CFB: variants seen among roughly 807,000 people sequenced by gnomAD.
The protein encoded by CFB is B-factor, properdin.
In CFB, 59 loss-of-function variants were observed where a neutral mutation model predicts 97.2. The ratio of observed to expected loss-of-function variants is 0.61; its 90% CI spans 0.49 to 0.75. The LOEUF is 0.75. Ranked by LOEUF, CFB falls within the 30% of genes least tolerant of loss-of-function variation. The pLI is 0.00. For missense variants in CFB, 771 were observed against 959.8 expected (o/e 0.80, Z 2.60); for synonymous variants, 316 against 351.7 (o/e 0.90, Z 1.14).
In CFB at chr6:31,946,402, C is replaced by G. The variant is rs12614; in HGVS notation, c.94C>G (p.Arg32Gly). ...GACCACCACTCCATGGTCTTTGGCC[C>G]GGCCCCAGGGATCCTGCTCTCTGGA... is the stretch of plus-strand genomic sequence containing the variant. ...GVTTTPWSLA[R>G]PQGSCSLEGV... Residue 32 changes from arginine to glycine, a missense_variant, in exon 2 of 18, where the codon CGG becomes GGG. Arg to Gly is a moderately radical substitution (Grantham distance 125). Coordinates refer to ENST00000425368, the MANE Select transcript of CFB (RefSeq NM_001710.6). This position sits in a 1 kb window ranked among gnomAD's most constrained non-coding sequence, Gnocchi z 6.4. 2 of 1,612,922 alleles carry G rather than the reference C, an allele frequency of 1.2e-6. No individual in the cohort carries two copies. Among genetic ancestry groups the G allele is most frequent in the South Asian group, 1.1e-5 (1 of 91,076 alleles).
chr6:31,951,495 G>A lies in CFB; in HGVS notation c.2089+22G>A, dbSNP rs781652229. On this transcript the variant is annotated intron_variant, in intron 16 of 17. Coordinates refer to ENST00000425368, the MANE Select transcript of CFB (RefSeq NM_001710.6). The surrounding 1 kb of genome is among the most constrained non-coding windows in gnomAD (Gnocchi z 4.3). ...AGAGGTGAGAGAATGCTCTTTGGTTGTGCTACAAGTGCCCAAGGCCCAACA... is the reference window on the plus strand; with the variant it reads ...AGAGGTGAGAGAATGCTCTTTGGTTATGCTACAAGTGCCCAAGGCCCAACA... The A allele has an allele frequency of 6.2e-7, 1 of 1,614,238 alleles. No homozygotes were observed. Among genetic ancestry groups the A allele is most frequent in the Non-Finnish European group, 8.5e-7 (1 of 1,180,054 alleles).
rs373768934 is a variant in CFB at position 31,948,057 on chromosome 6, G to A, written c.873G>A (p.Lys291=). Residue 291 remains lysine (K), a synonymous_variant, in exon 6 of 18, where the codon AAG becomes AAA. Transcript: ENST00000425368. The stretch of plus-strand genomic sequence containing the variant: ...CCAGCAACTTCACAGGAGCCAAAAA[G>A]TGTCTAGTCAACTTAATTGAGAAGG... The part of the protein sequence containing the change: ...IGASNFTGAK[K]CLVNLIEKVA... 1 of 1,614,184 alleles carries A rather than the reference G, an allele frequency of 6.2e-7. No individual in the cohort carries two copies. The highest frequency in any genetic ancestry group is 8.5e-7 in the Non-Finnish European group (1 of 1,180,042).
At position 31,949,259 on chromosome 6, in the gene CFB, C is replaced by CG; in HGVS notation, c.1189dup (p.Asp397GlyfsTer7). On this transcript the variant is annotated frameshift_variant, in exon 9 of 18. Coordinates refer to ENST00000425368, the MANE Select transcript of CFB (RefSeq NM_001710.6). LOFTEE classifies it high-confidence loss of function. ...CTTCTGCAGGATTGCACAACATGGG[C>CG]GGGGACCCAATTACTGTCATTGATG... is the stretch of plus-strand genomic sequence containing the variant. 1 of 1,614,106 alleles carries CG rather than the reference C, an allele frequency of 6.2e-7. No individual in the cohort carries two copies. The highest frequency in any genetic ancestry group is 8.5e-7 in the Non-Finnish European group (1 of 1,180,026).
intron 10 of CFB, 89 bp downstream of exon 10, chr6:31,949,646 G>C: frequency 6.6e-7 from 1 of 1,504,754 alleles, no homozygotes; most frequent in East Asian, 2.3e-5. Flanking sequence ...AGCTCTAGTT[G>C]CCTGGAAAGC....
chr6:31,951,642 G>T lies in CFB; in HGVS notation c.2139+38G>T. On this transcript the variant is annotated intron_variant, in intron 17 of 17. Coordinates refer to ENST00000425368, the MANE Select transcript of CFB (RefSeq NM_001710.6). This position sits in a 1 kb window ranked among gnomAD's most constrained non-coding sequence, Gnocchi z 4.3. The stretch of plus-strand genomic sequence containing the variant: ...TTTCCTATCTGGGGAGATGCCAAGT[G>T]GTCAGCATGGGCCCCAAAGCAGGAA... 1 of 1,613,392 alleles carries T rather than the reference G, an allele frequency of 6.2e-7. No individual in the cohort carries two copies. The highest frequency in any genetic ancestry group is 8.5e-7 in the Non-Finnish European group (1 of 1,179,324).
At chr6:31,949,585 A>G (rs764177572) in intron 10 of CFB, 28 bp downstream of exon 10, 43 of 1,612,178 alleles carry the variant, frequency 2.7e-5, no homozygotes, top group Non-Finnish European at 3.3e-5. Context: ...AATAAAGAAC[A>G]CAACTCTCCT....
At chr6:31,948,321 A>G in intron 6 of CFB, 53 bp from the exon 7 acceptor site, 1 of 1,613,022 alleles carries the variant, frequency 6.2e-7, no homozygotes, top group Non-Finnish European at 8.5e-7. Context: ...GAAATCTCCC[A>G]ATCACAGTAT....
At chr6:31,948,289 T>G in intron 6 of CFB, 85 bp from the exon 7 acceptor site, 1 of 1,591,138 alleles carries the variant, frequency 6.3e-7, no homozygotes, top group Non-Finnish European at 8.6e-7. Context: ...ACTGAGAGCC[T>G]CCCTGTCCCA....
Position 31,951,773 on chromosome 6 carries a change from AG to A in CFB, c.2140-101del, listed in dbSNP as rs1771785461. 1 of 1,592,424 alleles carries A rather than the reference AG, an allele frequency of 6.3e-7. No individual in the cohort carries two copies. Among genetic ancestry groups the A allele is most frequent in the Non-Finnish European group, 8.6e-7 (1 of 1,161,520 alleles). Reference sequence around the variant, plus strand: ...AAGAACGAGGCTGAGCTGGGTCCCTAGTCTGATTCCTTTAGGTCAGCTAAGA... The same window carrying A: ...AAGAACGAGGCTGAGCTGGGTCCCTATCTGATTCCTTTAGGTCAGCTAAGA... On this transcript the variant is annotated intron_variant, in intron 17 of 17. Transcript: ENST00000425368. The surrounding 1 kb of genome is among the most constrained non-coding windows in gnomAD (Gnocchi z 4.3).
In CFB at chr6:31,950,145, A is replaced by G. The variant is rs1278820465; in HGVS notation, c.1504A>G (p.Ile502Val). The G allele has an allele frequency of 6.2e-7, 1 of 1,613,022 alleles. No individual in the cohort carries two copies. Among genetic ancestry groups the G allele is most frequent in the South Asian group, 1.1e-5 (1 of 91,082 alleles). ...ACCATGGCAGGCCAAGATCTCAGTC[A>G]TTGTAAGCACAGAATCCCAGTAGTG... ...KQPWQAKISVIRPSKGHESCM... is the reference protein window; with the variant it reads ...KQPWQAKISVVRPSKGHESCM... The change falls in exon 11 of 18, where the codon ATT becomes GTT. Residue 502 changes from isoleucine to valine, a missense_variant and splice_region_variant. By Grantham distance (29) the Ile-to-Val change is conservative. Transcript: ENST00000425368.
rs759465965 is a variant in CFB, at chr6:31,951,701, G to A, written c.2139+97G>A. On this transcript the variant is annotated intron_variant, in intron 17 of 17. Transcript: ENST00000425368. The surrounding 1 kb of genome is among the most constrained non-coding windows in gnomAD (Gnocchi z 4.3). ...GCATGTGGCTAGTAATTCGAGGTAG[G>A]CAGAGCCTGCCTCACCTTAGGACCG... 1 of 1,582,994 alleles carries A rather than the reference G, an allele frequency of 6.3e-7. No individual in the cohort carries two copies. The highest frequency in any genetic ancestry group is 8.7e-7 in the Non-Finnish European group (1 of 1,151,896).
In CFB at chr6:31,946,468, G is replaced by T; in HGVS notation, c.160G>T (p.Glu54Ter). The T allele has an allele frequency of 1.9e-6, 3 of 1,613,082 alleles. No homozygotes were observed. Among genetic ancestry groups the T allele is most frequent in the Non-Finnish European group, 1.7e-6 (2 of 1,180,034 alleles). Residue 54 changes from glutamate to a stop codon, truncating the protein, a stop_gained, in exon 2 of 18, where the codon GAG becomes TAG. Transcript: ENST00000425368. LOFTEE classifies it high-confidence loss of function. This position sits in a 1 kb window ranked among gnomAD's most constrained non-coding sequence, Gnocchi z 6.4. Reference sequence around the variant, plus strand: ...AGGCGGCTCCTTCCGACTTCTCCAAGAGGGCCAGGCACTGGAGTACGTGTG... The same window carrying T: ...AGGCGGCTCCTTCCGACTTCTCCAATAGGGCCAGGCACTGGAGTACGTGTG... ...IKGGSFRLLQ[E>*]GQALEYVCPS...
Position 31,951,962 on chromosome 6 carries a change from A to C in CFB, c.2227A>C (p.Ile743Leu), listed in dbSNP as rs774210706. 1.2e-6 allele frequency: 2 copies of C among 1,613,002 alleles called. No homozygotes were observed. The highest frequency in any genetic ancestry group is 2.7e-5 in the African/African-American group (2 of 74,934). The change falls in exon 18 of 18, where the codon ATC becomes CTC. Residue 743 changes from isoleucine (I) to leucine (L), a missense_variant. Coordinates refer to ENST00000425368, the MANE Select transcript of CFB (RefSeq NM_001710.6). This position sits in a 1 kb window ranked among gnomAD's most constrained non-coding sequence, Gnocchi z 4.3. ...ACCTGCTCACGCCCGAGACTTTCAC[A>C]TCAACCTCTTTCAAGTGCTGCCCTG... ...QVPAHARDFH[I>L]NLFQVLPWLK...
At position 31,951,740 on chromosome 6, in the gene CFB, CGT is replaced by C. The variant is rs1412090164; in HGVS notation, c.2140-130_2140-129del. 17 of 1,556,036 alleles carry C rather than the reference CGT, an allele frequency of 1.1e-5. No homozygotes were observed. Among genetic ancestry groups the C allele is most frequent in the South Asian group, 2.2e-5 (2 of 89,842 alleles). On this transcript the variant is annotated intron_variant, in intron 17 of 17. Coordinates refer to ENST00000425368, the MANE Select transcript of CFB (RefSeq NM_001710.6). The surrounding 1 kb of genome is among the most constrained non-coding windows in gnomAD (Gnocchi z 4.3). ...ACCTTAGGACCGCATGTCTTGCCTG[CGT>C]GTGTCAAGAACGAGGCTGAGCTGGG...
rs1771679161 is a variant in CFB, at chr6:31,950,351, A to G, written c.1572A>G (p.Ala524=). The G allele has an allele frequency of 6.2e-7, 1 of 1,613,018 alleles. No homozygotes were observed. The highest frequency in any genetic ancestry group is 1.1e-5 in the South Asian group (1 of 91,094). ...TGTCTGAGTACTTTGTGCTGACAGCAGCACATTGTTTCACTGTGGATGACA... is the reference window on the plus strand; with the variant it reads ...TGTCTGAGTACTTTGTGCTGACAGCGGCACATTGTTTCACTGTGGATGACA... ...AVVSEYFVLT[A]AHCFTVDDKE... is the part of the protein sequence containing the mutation. The change falls in exon 12 of 18, where the codon GCA becomes GCG. Residue 524 remains alanine (A), a synonymous_variant. Coordinates refer to ENST00000425368, the MANE Select transcript of CFB (RefSeq NM_001710.6).
chr6:31,946,868 T>G lies in CFB; in HGVS notation c.299-139T>G. 1 of 895,602 alleles carries G rather than the reference T, an allele frequency of 1.1e-6. No homozygotes were observed. The highest frequency in any genetic ancestry group is 1.8e-6 in the Non-Finnish European group (1 of 555,488). The allele number at this position is 895,602 out of a possible 1,614,324, so 55.5% of individuals were successfully genotyped here. ...GAGAAGCAGTGGAAATCCATATGGGTTGAGGAGTAGGTAAGATGCTGCTTC... is the reference window on the plus strand; with the variant it reads ...GAGAAGCAGTGGAAATCCATATGGGGTGAGGAGTAGGTAAGATGCTGCTTC... On this transcript the variant is annotated intron_variant, in intron 2 of 17. Transcript: ENST00000425368. This position sits in a 1 kb window ranked among gnomAD's most constrained non-coding sequence, Gnocchi z 6.4.
At position 31,951,714 on chromosome 6, in the gene CFB, C is replaced by T. The variant is rs1771780700; in HGVS notation, c.2139+110C>T. On this transcript the variant is annotated intron_variant, in intron 17 of 17. Coordinates refer to ENST00000425368, the MANE Select transcript of CFB (RefSeq NM_001710.6). The surrounding 1 kb of genome is among the most constrained non-coding windows in gnomAD (Gnocchi z 4.3). ...AATTCGAGGTAGGCAGAGCCTGCCT[C>T]ACCTTAGGACCGCATGTCTTGCCTG... The T allele has an allele frequency of 6.4e-7, 1 of 1,568,020 alleles. No individual in the cohort carries two copies.
At position 31,948,439 on chromosome 6, in the gene CFB, G is replaced by A; in HGVS notation, c.963G>A (p.Trp321Ter). 1 of 1,614,160 alleles carries A rather than the reference G, an allele frequency of 6.2e-7. No homozygotes were observed. The highest frequency in any genetic ancestry group is 8.5e-7 in the Non-Finnish European group (1 of 1,180,020). ...LVTYATYPKIWVKVSEADSSN... is the reference protein window; with the variant it reads ...LVTYATYPKI The stretch of plus-strand genomic sequence containing the variant: ...CATATGCCACATACCCCAAAATTTG[G>A]GTCAAAGTGTCTGAAGCAGACAGCA... The change falls in exon 7 of 18, where the codon TGG becomes TGA. Residue 321 changes from tryptophan (W) to a stop codon, truncating the protein, a stop_gained. Transcript: ENST00000425368. LOFTEE classifies it high-confidence loss of function.
Position 31,951,090 on chromosome 6 carries a change from A to AT in CFB, c.1856-53dup. 6.3e-7 allele frequency: 1 copy of AT among 1,593,838 alleles called. No homozygotes were observed. The highest frequency in any genetic ancestry group is 8.6e-7 in the Non-Finnish European group (1 of 1,163,272). On this transcript the variant is annotated intron_variant, in intron 14 of 17. Transcript: ENST00000425368. The surrounding 1 kb of genome is among the most constrained non-coding windows in gnomAD (Gnocchi z 4.3). ...GGACATCTACTGAGTGACAAAGGCA[A>AT]TGGGGAGATGACAGTGGTGGGAGCA...
Sources: gnomAD v4.1 joint callset for allele counts on GRCh38, gnomAD v4.1.1 for gene constraint, Gnocchi (gnomAD v3.1) non-coding constraint, MANE v1.5 for transcripts, NCBI Gene and HGNC (gene_info 2026-07-23, HGNC 2026-07-21) for gene names.